The following SULT1B1 variants were observed in gnomAD, a reference collection of about 807,000 sequenced individuals.
SULT1B1 encodes the protein sulfotransferase 1B1.
A neutral mutation model predicts 34.6 loss-of-function variants in SULT1B1; 28 were observed. That is an observed-to-expected ratio of 0.81 (90% CI 0.60 to 1.11). The LOEUF is 1.11. Ranked by LOEUF, SULT1B1 falls within the 50% of genes least tolerant of loss-of-function variation. The pLI is 0.00. For synonymous variants in SULT1B1, 147 were observed against 110.2 expected (o/e 1.33, Z -2.09); for missense variants, 374 against 352.2 (o/e 1.06, Z -0.50).
intron 7 of SULT1B1, among the ~76,000 whole-genome samples, chr4:69,728,635 G>GGGAAGGAC: frequency 6.6e-6 from 1 of 151,584 alleles, no homozygotes; most frequent in Non-Finnish European, 1.5e-5. Context: ...GGATACATCA[G>GGGAAGGAC]GGAAGGAAGG....
chr4:69,748,998 C>T (rs190842710), intron 4 of SULT1B1, among the ~76,000 whole-genome samples: 64 of 150,914 alleles, frequency 4.2e-4, no homozygotes, highest in African/African-American at 1.5e-3. Flanking sequence ...TGGAGAGAAA[C>T]GATAGAGAAA....
At chr4:69,744,460 C>T (rs1025200268) in intron 4 of SULT1B1, among the ~76,000 whole-genome samples, 16 of 152,074 alleles carry the variant, frequency 1.1e-4, no homozygotes, top group Admixed American at 9.2e-4. Flanking sequence ...TTCCTGCAGC[C>T]GCTCCTGCCA....
chr4:69,730,728 T>C, intron 6 of SULT1B1, 47 bp from the exon 7 acceptor site: 2 of 1,504,698 alleles, frequency 1.3e-6, no homozygotes, highest in South Asian at 1.2e-5. Flanking sequence ...ACTCACACAA[T>C]GTGAATATTT....
In SULT1B1 at chr4:69,724,748, C is replaced by G. The variant is rs1419383146; in HGVS notation, c.*2340G>C. 1 of 152,294 alleles carries G rather than the reference C, an allele frequency of 6.6e-6. No homozygotes were observed. The highest frequency in any genetic ancestry group is 1.9e-4 in the East Asian group (1 of 5,186). The allele number at this position is 152,294 out of a possible 1,614,324, so 9.4% of individuals were successfully genotyped here. On this transcript the variant is annotated 3_prime_UTR_variant, in exon 8 of 8. Coordinates refer to ENST00000310613, the MANE Select transcript of SULT1B1 (RefSeq NM_014465.4). ...TACAATTATCTGATCTTTGACAAAC[C>G]TGACGAAAACAAGCAATGGGGAAAG...
intron 3 of SULT1B1, among the ~76,000 whole-genome samples, chr4:69,753,115 A>G (rs1358220794): frequency 1.3e-5 from 2 of 152,174 alleles, no homozygotes; most frequent in African/African-American, 2.4e-5. Flanking sequence ...TCCAAATACC[A>G]TCATTTTAAT....
chr4:69,743,210 T>G (rs756458955), intron 4 of SULT1B1, among the ~76,000 whole-genome samples: 1 of 152,176 alleles, frequency 6.6e-6, no homozygotes, highest in Non-Finnish European at 1.5e-5. Context: ...TCAGGAAGAC[T>G]GAGGTATACA....
chr4:69,758,634 A>G (rs1719280140), intron 1 of SULT1B1: 1 of 223,438 alleles, frequency 4.5e-6, no homozygotes, highest in Non-Finnish European at 7.5e-6. Flanking sequence ...CCTATAATGC[A>G]CACATATTAT....
In SULT1B1 at chr4:69,734,126, A is replaced by C. The variant is rs747064794; in HGVS notation, c.502+12T>G. 1.4e-5 allele frequency: 22 copies of C among 1,573,602 alleles called. No homozygotes were observed. In the East Asian group the frequency reaches 4.1e-4, roughly 29 times the overall value. On this transcript the variant is annotated intron_variant, in intron 5 of 7. Transcript: ENST00000310613. Reference sequence around the variant, plus strand: ...AAAAATACTTATCAATTTTAAGATAAAGTCCACATACCTTTTCCAGTTAAG... The same window carrying C: ...AAAAATACTTATCAATTTTAAGATACAGTCCACATACCTTTTCCAGTTAAG...
At chr4:69,738,339 G>T (rs543387823) in intron 4 of SULT1B1, among the ~76,000 whole-genome samples, 1 of 152,308 alleles carries the variant, frequency 6.6e-6, no homozygotes, top group South Asian at 2.1e-4. Flanking sequence ...AAAGGAAAGA[G>T]GATTAACTGA....
At chr4:69,732,241 G>A (rs1718107184) in intron 6 of SULT1B1, among the ~76,000 whole-genome samples, 1 of 152,134 alleles carries the variant, frequency 6.6e-6, no homozygotes, top group Non-Finnish European at 1.5e-5. Flanking sequence ...ATTCTTTATG[G>A]GATGTGGACA....
chr4:69,731,602 A>T (rs932316335), intron 6 of SULT1B1, among the ~76,000 whole-genome samples: 2 of 152,104 alleles, frequency 1.3e-5, no homozygotes, highest in Non-Finnish European at 2.9e-5. Flanking sequence ...CTTTTTTTCA[A>T]ATTTTATTAT....
rs1245419470 is a variant in SULT1B1 at position 69,723,998 on chromosome 4, C to CA, written c.*3089dup. The CA allele has an allele frequency of 6.6e-6, 1 of 152,174 alleles. No homozygotes were observed. The highest frequency in any genetic ancestry group is 1.5e-5 in the Non-Finnish European group (1 of 68,054). The allele number at this position is 152,174 out of a possible 1,614,324, so 9.4% of individuals were successfully genotyped here. On this transcript the variant is annotated 3_prime_UTR_variant, in exon 8 of 8. Transcript: ENST00000310613. ...GATGCCGTCTCTCACCACTCCTATT[C>CA]AACATAGTGTTGGAAGTTCTGGCCA... is the stretch of plus-strand genomic sequence containing the variant.
chr4:69,750,754 C>T (rs577436982), intron 3 of SULT1B1, among the ~76,000 whole-genome samples: 1 of 152,042 alleles, frequency 6.6e-6, no homozygotes, highest in African/African-American at 2.4e-5. Context: ...ACTGTATGTC[C>T]CCATGTCCCT....
intron 7 of SULT1B1, among the ~76,000 whole-genome samples, chr4:69,727,572 T>C (rs539475684): frequency 6.6e-6 from 1 of 152,160 alleles, no homozygotes; most frequent in East Asian, 1.9e-4. Context: ...GTCAGGCATA[T>C]TTTATTTCAC....
At chr4:69,728,663 TGGAA>T (rs1042693448) in intron 7 of SULT1B1, among the ~76,000 whole-genome samples, 1 of 124,574 alleles carries the variant, frequency 8.0e-6, no homozygotes, top group African/African-American at 3.0e-5. Flanking sequence ...AACGGAAGAA[TGGAA>T]GGAAGGAAGG....
chr4:69,751,981 A>G (rs1718999947), intron 3 of SULT1B1, among the ~76,000 whole-genome samples: 1 of 152,238 alleles, frequency 6.6e-6, no homozygotes, highest in African/African-American at 2.4e-5. Flanking sequence ...TCCTTGCCCC[A>G]GCATAATCCC....
intron 3 of SULT1B1, among the ~76,000 whole-genome samples, chr4:69,750,615 T>C (rs1454731233): frequency 6.6e-6 from 1 of 152,152 alleles, no homozygotes; most frequent in Non-Finnish European, 1.5e-5. Flanking sequence ...TTGAAAACAA[T>C]GCTTTGTTTT....
intron 7 of SULT1B1, 96 bp from the exon 8 acceptor site, chr4:69,727,296 G>C: frequency 1.3e-6 from 1 of 769,654 alleles, no homozygotes; most frequent in Non-Finnish European, 1.9e-6. Context: ...CCTAAAGAAA[G>C]ACCTTCCTTT....
At chr4:69,742,836 G>C (rs1472981169) in intron 4 of SULT1B1, among the ~76,000 whole-genome samples, 1 of 152,248 alleles carries the variant, frequency 6.6e-6, no homozygotes, top group African/African-American at 2.4e-5. Flanking sequence ...CGGCCTGCCA[G>C]CTGCGGTGCG....
Sources: gnomAD v4.1 joint callset for allele counts (sites outside exome capture counted in the v4.1 genomes callset) on GRCh38, gnomAD v4.1.1 for gene constraint, MANE v1.5 for transcripts, NCBI Gene and HGNC (gene_info 2026-07-23, HGNC 2026-07-21) for gene names.